The following SDK1 variants were observed in gnomAD, a reference collection of about 807,000 sequenced individuals.
SDK1 encodes the protein protein sidekick-1.
A neutral mutation model predicts 245.5 loss-of-function variants in SDK1; 157 were observed. That is an observed-to-expected ratio of 0.64 (90% confidence interval 0.56 to 0.73). The LOEUF (loss-of-function observed/expected upper bound fraction) is 0.73. SDK1 is among the 30% of genes least tolerant of loss of function. The pLI, the probability that SDK1 is intolerant of heterozygous loss-of-function variation, is 0.00. For synonymous variants in SDK1, 1,647 were observed against 1,278.5 expected (o/e 1.29, Z -6.15); for missense variants, 3,583 against 3,002.3 (o/e 1.19, Z -4.52).
chr7:4,124,478 C>T (rs1303674452), intron 25 of SDK1, among the ~76,000 whole-genome samples: 3 of 152,124 alleles, frequency 2.0e-5, no homozygotes, highest in Non-Finnish European at 2.9e-5. Flanking sequence ...TGTCTGTGGA[C>T]AAATTCCTTT....
Position 3,779,788 on chromosome 7 carries a change from C to T in SDK1, c.714-41662C>T, listed in dbSNP as rs574952169. Among the ~76,000 whole-genome samples the T allele has an allele frequency of 5.6e-4, 85 of 151,944 alleles. 1 individual carries two copies. The highest frequency in any genetic ancestry group is 1.4e-3 in the African/African-American group (59 of 41,446). ...TCTACTGGAAATACAAAAAATTAGC[C>T]GGGCGCGGTGGCGGGCGCCTGTAGT... is the stretch of plus-strand genomic sequence containing the variant. On this transcript the variant is annotated intron_variant, in intron 4 of 44. Transcript: ENST00000404826.
intron 1 of SDK1, among the ~76,000 whole-genome samples, chr7:3,563,761 G>A (rs1779821665): frequency 6.6e-6 from 1 of 152,050 alleles, no homozygotes; most frequent in African/African-American, 2.4e-5. Context: ...TTTTAAGCTC[G>A]TTTGGAGTGA....
chr7:3,835,153 A>G (rs1208097992), intron 5 of SDK1, among the ~76,000 whole-genome samples: 1 of 152,210 alleles, frequency 6.6e-6, no homozygotes, highest in African/African-American at 2.4e-5. Context: ...TGGTAAGTAT[A>G]AAGTAGGACA....
chr7:3,946,576 C>CA lies in SDK1; in HGVS notation c.848-4344dup, dbSNP rs1298906303. Among the ~76,000 whole-genome samples, 5 of 152,232 alleles carry CA rather than the reference C, an allele frequency of 3.3e-5. No homozygotes were observed. The South Asian group carries it at 1.0e-3, about 32-fold the overall frequency. Reference sequence around the variant, plus strand: ...AAGAGAGCCACTCACCTTGGCCTCCCAAAGTTCTGGGATTACAGATGTAAG... The same window carrying CA: ...AAGAGAGCCACTCACCTTGGCCTCCCAAAAGTTCTGGGATTACAGATGTAAG... On this transcript the variant is annotated intron_variant, in intron 5 of 44. Coordinates refer to ENST00000404826, the MANE Select transcript of SDK1 (RefSeq NM_152744.4).
At chr7:3,421,659 G>T (rs898253747) in intron 1 of SDK1, among the ~76,000 whole-genome samples, 10 of 152,190 alleles carry the variant, frequency 6.6e-5, no homozygotes, top group African/African-American at 1.9e-4. Context: ...TACAGCTAGA[G>T]AGTATCTCTA....
At chr7:3,674,253 C>T (rs560155114) in intron 4 of SDK1, among the ~76,000 whole-genome samples, 1 of 152,196 alleles carries the variant, frequency 6.6e-6, no homozygotes, top group East Asian at 1.9e-4. Flanking sequence ...ACATGAGATT[C>T]AGTGTTACAG....
At chr7:3,307,045 A>T (rs1779433600) in intron 1 of SDK1, among the ~76,000 whole-genome samples, 1 of 152,212 alleles carries the variant, frequency 6.6e-6, no homozygotes. Flanking sequence ...GTGTAGTATA[A>T]AGAAAAATTA....
At chr7:3,856,267 T>A (rs1036516658) in intron 5 of SDK1, among the ~76,000 whole-genome samples, 1 of 151,894 alleles carries the variant, frequency 6.6e-6, no homozygotes, top group Non-Finnish European at 1.5e-5. Flanking sequence ...ATTCATGACT[T>A]CCAAACTACT....
chr7:3,486,864 T>C (rs898759636), intron 1 of SDK1, among the ~76,000 whole-genome samples: 2 of 152,214 alleles, frequency 1.3e-5, no homozygotes, highest in African/African-American at 4.8e-5. Flanking sequence ...GGTGCATTAC[T>C]CTCTGCCTCT....
At chr7:3,943,398 T>A (rs1158840125) in intron 5 of SDK1, among the ~76,000 whole-genome samples, 4 of 3,170 alleles carry the variant, frequency 1.3e-3, no homozygotes, top group African/African-American at 5.1e-3. Context: ...CCCCACTTCC[T>A]CCTCCTCCGT....
intron 1 of SDK1, among the ~76,000 whole-genome samples, chr7:3,328,689 T>TGC (rs1431145843): frequency 6.6e-6 from 1 of 152,114 alleles, no homozygotes; most frequent in Non-Finnish European, 1.5e-5. Flanking sequence ...AATAGGATGA[T>TGC]GCGCTCTCCA....
At chr7:4,009,061 A>G (rs535645944) in intron 14 of SDK1, among the ~76,000 whole-genome samples, 2 of 152,078 alleles carry the variant, frequency 1.3e-5, no homozygotes, top group Non-Finnish European at 2.9e-5. Flanking sequence ...AACACCTGTT[A>G]TTTTCTGTTT....
At chr7:3,595,087 A>G (rs1781008542) in intron 1 of SDK1, among the ~76,000 whole-genome samples, 1 of 152,202 alleles carries the variant, frequency 6.6e-6, no homozygotes, top group African/African-American at 2.4e-5. Context: ...TGATTTCAGC[A>G]ACGCGTAGAA....
chr7:4,049,352 C>G lies in SDK1; in HGVS notation c.2607C>G (p.Pro869=). Residue 869 remains proline, a synonymous_variant, in exon 18 of 45, where the codon CCC becomes CCG. Transcript: ENST00000404826. ...TCAATGACTGCCCTGCCACAGTGCC[C>G]ACCGCGCCCCCGCAGAACGTGCAGA... is the stretch of plus-strand genomic sequence containing the variant. The part of the protein sequence containing the change: ...AVTEYTLQGV[P]TAPPQNVQTE... 1 of 1,613,756 alleles carries G rather than the reference C, an allele frequency of 6.2e-7. No homozygotes were observed.
At chr7:4,253,551 C>G (rs1014368901) in intron 44 of SDK1, among the ~76,000 whole-genome samples, 1 of 152,110 alleles carries the variant, frequency 6.6e-6, no homozygotes, top group South Asian at 2.1e-4. Flanking sequence ...TAAGGCCTGG[C>G]CTATGGTCTA....
chr7:4,007,811 G>C (rs967601695), intron 14 of SDK1, among the ~76,000 whole-genome samples: 11 of 151,860 alleles, frequency 7.2e-5, no homozygotes, highest in African/African-American at 2.7e-4. Context: ...TCACCGTCTT[G>C]GCCAGGCTGG....
intron 28 of SDK1, among the ~76,000 whole-genome samples, 186 bp from the exon 29 acceptor site, chr7:4,145,536 A>G (rs1779903210): frequency 6.6e-6 from 1 of 151,992 alleles, no homozygotes; most frequent in African/African-American, 2.4e-5. Context: ...TTCACAGGGA[A>G]ATCCACGTGG....
Position 4,123,714 on chromosome 7 carries a change from A to G in SDK1, c.3824-3667A>G, listed in dbSNP as rs930204172. ...ATTTGGGAAGATTGGACTGGCTGGC[A>G]TTATCTCCCTCCAAAAATAGAAGGG... On this transcript the variant is annotated intron_variant, in intron 25 of 44. Transcript: ENST00000404826. 2.6e-5 allele frequency among the ~76,000 whole-genome samples: 4 copies of G among 152,362 alleles called. No homozygotes were observed. The East Asian group carries it at 7.7e-4, about 29-fold the overall frequency.
At chr7:4,050,620 G>A (rs913317541) in intron 18 of SDK1, among the ~76,000 whole-genome samples, 2 of 152,070 alleles carry the variant, frequency 1.3e-5, no homozygotes, top group Non-Finnish European at 2.9e-5. Context: ...GCTTTCCTTA[G>A]GTTGTGGATA....
Sources: gnomAD v4.1 joint callset for allele counts (sites outside exome capture counted in the v4.1 genomes callset) on GRCh38, gnomAD v4.1.1 for gene constraint, MANE v1.5 for transcripts, NCBI Gene and HGNC (gene_info 2026-07-23, HGNC 2026-07-21) for gene names.